Variants in TMEM108 observed in about 807,000 individuals in gnomAD.
TMEM108 encodes transmembrane protein 108.
In TMEM108, 12 loss-of-function variants were observed where a neutral mutation model predicts 35.1. The observed-to-expected ratio is 0.34, with a 90% CI of 0.22 to 0.55. The LOEUF (loss-of-function observed/expected upper bound fraction) is 0.55, where lower values mean the gene tolerates loss of function less well. Among genes scored for constraint, TMEM108 ranks in the 20% least tolerant of loss-of-function variants. The probability of loss-of-function intolerance (pLI) is 0.89; values close to 1 mark genes in which losing one functional copy is unlikely to be tolerated. For synonymous variants in TMEM108, 287 were observed against 308.6 expected (o/e 0.93, Z 0.73); for missense variants, 680 against 753.3 (o/e 0.90, Z 1.14).
intron 2 of TMEM108, among the ~76,000 whole-genome samples, chr3:133,098,216 C>T (rs1454200078): frequency 3.3e-5 from 5 of 152,126 alleles, no homozygotes; most frequent in African/African-American, 4.8e-5. Flanking sequence ...TACATGGCAG[C>T]GGCAAGAGAA....
At chr3:133,107,002 A>G (rs1055437358) in intron 2 of TMEM108, among the ~76,000 whole-genome samples, 1 of 152,210 alleles carries the variant, frequency 6.6e-6, no homozygotes, top group East Asian at 1.9e-4. Flanking sequence ...TTAAAAGAGT[A>G]ATTTTATTTA....
At position 133,305,531 on chromosome 3, in the gene TMEM108, T is replaced by TA. The variant is rs1316895490; in HGVS notation, c.41-74218dup. On this transcript the variant is annotated intron_variant, in intron 3 of 5. Transcript: ENST00000321871. ...AAGTATAATAAAATAAATAAATAAATAAATAAAAGAAAGATGCCTATGAAT... is the reference window on the plus strand; with the variant it reads ...AAGTATAATAAAATAAATAAATAAATAAAATAAAAGAAAGATGCCTATGAAT... Among the ~76,000 whole-genome samples, 8 of 151,408 alleles carry TA rather than the reference T, an allele frequency of 5.3e-5. No homozygotes were observed. The East Asian group carries it at 1.6e-3, about 30-fold the overall frequency.
chr3:133,256,559 T>C (rs1344476912), intron 3 of TMEM108, among the ~76,000 whole-genome samples: 1 of 152,232 alleles, frequency 6.6e-6, no homozygotes, highest in Non-Finnish European at 1.5e-5. Flanking sequence ...CAAAGTCTTA[T>C]AAATTCCTTG....
rs115698212 is a variant in TMEM108 at position 133,349,824 on chromosome 3, A to C, written c.41-29928A>C. Among the ~76,000 whole-genome samples the C allele has an allele frequency of 7.7e-3, 1,173 of 152,266 alleles. 17 individuals carry two copies. The highest frequency in any genetic ancestry group is 0.027 in the African/African-American group (1,112 of 41,550). On this transcript the variant is annotated intron_variant, in intron 3 of 5. Transcript: ENST00000321871. ...TGTGGAGAAAAGAAAACACTTGCAC[A>C]CTGTTGGTAGGATTGTAAACTAGTA...
intron 3 of TMEM108, among the ~76,000 whole-genome samples, chr3:133,359,026 G>A (rs150641353): frequency 1.1e-3 from 167 of 152,212 alleles, no homozygotes; most frequent in African/African-American, 3.8e-3. Context: ...AGCCACACCC[G>A]TTCATTTACA....
intron 3 of TMEM108, among the ~76,000 whole-genome samples, chr3:133,297,540 G>T (rs995410069): frequency 3.9e-5 from 6 of 152,176 alleles, no homozygotes; most frequent in African/African-American, 7.2e-5. Flanking sequence ...TTACCTGGGG[G>T]TGGGGGGAGA....
rs544180776 is a variant in TMEM108 at position 133,241,388 on chromosome 3, T to C, written c.40+12037T>C. 2.0e-5 allele frequency among the ~76,000 whole-genome samples: 3 copies of C among 152,308 alleles called. No homozygotes were observed. The South Asian group carries it at 6.2e-4, about 32-fold the overall frequency. On this transcript the variant is annotated intron_variant, in intron 3 of 5. Coordinates refer to ENST00000321871, the MANE Select transcript of TMEM108 (RefSeq NM_023943.4). ...TCACCAAGCTTTCTCATCTCTTTGCTCCTCCCCTCAGAAGTTTTCTAGCCT... is the reference window on the plus strand; with the variant it reads ...TCACCAAGCTTTCTCATCTCTTTGCCCCTCCCCTCAGAAGTTTTCTAGCCT...
intron 2 of TMEM108, among the ~76,000 whole-genome samples, chr3:133,177,273 C>G (rs528208482): frequency 3.9e-5 from 6 of 152,232 alleles, no homozygotes; most frequent in African/African-American, 1.4e-4. Context: ...TGAAACTATT[C>G]CAATCAATAG....
At chr3:133,189,705 T>C (rs1458757576) in intron 2 of TMEM108, among the ~76,000 whole-genome samples, 5 of 152,170 alleles carry the variant, frequency 3.3e-5, no homozygotes, top group Non-Finnish European at 7.4e-5. Flanking sequence ...TATTCCAAAA[T>C]TCAGGATCTA....
chr3:133,300,958 A>G (rs916050139), intron 3 of TMEM108, among the ~76,000 whole-genome samples: 4 of 133,438 alleles, frequency 3.0e-5, no homozygotes, highest in African/African-American at 1.1e-4. Context: ...AAAAAATACA[A>G]TTAATACAGA....
intron 2 of TMEM108, among the ~76,000 whole-genome samples, chr3:133,164,371 G>T (rs956059551): frequency 2.0e-5 from 3 of 152,166 alleles, no homozygotes; most frequent in African/African-American, 7.2e-5. Flanking sequence ...CCTGTCTCCT[G>T]AGCCTGATAA....
chr3:133,267,623 G>A (rs1257598318), intron 3 of TMEM108, among the ~76,000 whole-genome samples: 4 of 152,208 alleles, frequency 2.6e-5, no homozygotes, highest in African/African-American at 4.8e-5. Flanking sequence ...TTCAGGAGTG[G>A]CTTAACTGGA....
chr3:133,128,840 A>G (rs1944450656), intron 2 of TMEM108, among the ~76,000 whole-genome samples: 1 of 152,112 alleles, frequency 6.6e-6, no homozygotes. Flanking sequence ...GTTCACTTAG[A>G]GGTTAAGCTT....
chr3:133,251,488 GA>G (rs1946470356), intron 3 of TMEM108, among the ~76,000 whole-genome samples: 1 of 152,112 alleles, frequency 6.6e-6, no homozygotes, highest in South Asian at 2.1e-4. Flanking sequence ...CTTAACATAA[GA>G]AAAGTTTGTT....
intron 3 of TMEM108, among the ~76,000 whole-genome samples, chr3:133,238,273 T>C (rs1005023423): frequency 1.4e-5 from 2 of 144,720 alleles, no homozygotes; most frequent in Non-Finnish European, 3.2e-5. Context: ...GGGAATTCTA[T>C]TTCATCATCC....
chr3:133,091,731 C>T (rs1020555092), intron 2 of TMEM108, among the ~76,000 whole-genome samples: 6 of 152,138 alleles, frequency 3.9e-5, no homozygotes, highest in African/African-American at 9.7e-5. Flanking sequence ...CCTAATCAAA[C>T]GAGGCTAGAA....
At chr3:133,378,469 C>G (rs1463815785) in intron 3 of TMEM108, 2 of 985,380 alleles carry the variant, frequency 2.0e-6, no homozygotes, top group Non-Finnish European at 2.4e-6. Context: ...AGAGATCTCT[C>G]TCCATAGTCA....
rs528288895 is a variant in TMEM108 at position 133,309,961 on chromosome 3, A to C, written c.41-69791A>C. On this transcript the variant is annotated intron_variant, in intron 3 of 5. Coordinates refer to ENST00000321871, the MANE Select transcript of TMEM108 (RefSeq NM_023943.4). Reference sequence around the variant, plus strand: ...GTGATCCACCCTCCTCGGCCTCCCAAAGTGCTGGGATTACAGGCGTGAGCC... The same window carrying C: ...GTGATCCACCCTCCTCGGCCTCCCACAGTGCTGGGATTACAGGCGTGAGCC... 9.2e-5 allele frequency among the ~76,000 whole-genome samples: 14 copies of C among 152,044 alleles called. 1 individual carries two copies. Among genetic ancestry groups the C allele is most frequent in the African/African-American group, 3.1e-4 (13 of 41,506 alleles).
At chr3:133,182,034 T>A (rs1000979713) in intron 2 of TMEM108, among the ~76,000 whole-genome samples, 1 of 152,244 alleles carries the variant, frequency 6.6e-6, no homozygotes, top group African/African-American at 2.4e-5. Flanking sequence ...AAGCCCCAGA[T>A]CTTCCCTATC....
Sources: allele counts gnomAD v4.1 joint callset (sites outside exome capture counted in the v4.1 genomes callset), GRCh38; gene constraint gnomAD v4.1.1; transcripts MANE v1.5; gene names NCBI Gene and HGNC (gene_info 2026-07-23, HGNC 2026-07-21).